Variants in MYO1H observed in about 807,000 individuals in gnomAD.
MYO1H encodes unconventional myosin-Ih.
In MYO1H, 118 loss-of-function variants were observed where a neutral mutation model predicts 149.3. The observed-to-expected ratio is 0.79, with a 90% CI of 0.68 to 0.92. The LOEUF is 0.92. Ranked by LOEUF, MYO1H falls within the 40% of genes least tolerant of loss-of-function variation. The probability of loss-of-function intolerance (pLI) is 0.00; values close to 1 mark genes in which losing one functional copy is unlikely to be tolerated. For missense variants in MYO1H, 1,212 were observed against 1,280.7 expected, an observed-to-expected ratio of 0.95 and a Z score of 0.82; for synonymous variants, 447 against 465.2, an observed-to-expected ratio of 0.96 and a Z score of 0.50.
At chr12:109,401,258 A>G (rs1337182692) in exon 6 of MYO1H, 1 of 1,611,880 alleles carries the variant, frequency 6.2e-7, no homozygotes, top group South Asian at 1.1e-5. Flanking sequence ...CCAGCTGTAT[A>G]AATACCTCTC....
chr12:109,415,423 C>A, intron 14 of MYO1H, 103 bp from the exon 15 acceptor site: 1 of 1,075,050 alleles, frequency 9.3e-7, no homozygotes, highest in Non-Finnish European at 1.3e-6. Flanking sequence ...TTGCCGTGAG[C>A]CAAGATTGTG....
chr12:109,328,299 T>C, the MYO1H span, among the ~76,000 whole-genome samples: 1 of 152,118 alleles, frequency 6.6e-6, no homozygotes, highest in African/African-American at 2.4e-5. Context: ...GCAAGCAACA[T>C]GCATTAATTC....
At position 109,443,196 on chromosome 12, in the gene MYO1H, A is replaced by ATGTGTGTGTATATGTGTACGTATG. The variant is rs1168118158; in HGVS notation, c.2689-311_2689-310insGTATATGTGTACGTATGTGTGTGT. On this transcript the variant is annotated intron_variant, in intron 27 of 31. Transcript: ENST00000310903. ...CGTATGTGTGTATATGTGTACGTATATGTGTGTATATGTGTACGTATATGT... is the reference window on the plus strand; with the variant it reads ...CGTATGTGTGTATATGTGTACGTATATGTGTGTGTATATGTGTACGTATGTGTGTGTATATGTGTACGTATATGT... 4.2e-5 allele frequency among the ~76,000 whole-genome samples: 4 copies of ATGTGTGTGTATATGTGTACGTATG among 95,670 alleles called. 1 individual carries two copies. The highest frequency in any genetic ancestry group is 2.6e-4 in the South Asian group (1 of 3,778). The allele number at this position is 95,670 out of a possible 152,430, so 62.8% of individuals were successfully genotyped here. A position where few individuals can be genotyped will look rare whatever the true frequency, so the allele number is the denominator to read the frequency against.
intron 19 of MYO1H, among the ~76,000 whole-genome samples, chr12:109,429,757 G>C (rs1016941100): frequency 6.6e-6 from 1 of 151,226 alleles, no homozygotes; most frequent in Non-Finnish European, 1.5e-5. Context: ...CCTTAGGTAA[G>C]GGGGTCACTC....
At chr12:109,313,864 A>G in the MYO1H span, among the ~76,000 whole-genome samples, 1 of 151,950 alleles carries the variant, frequency 6.6e-6, no homozygotes, top group Admixed American at 6.6e-5. Flanking sequence ...TCCTTTATGA[A>G]AAGTGTTTTC....
chr12:109,365,968 A>C (rs934181261), intron 1 of MYO1H, among the ~76,000 whole-genome samples: 3 of 152,170 alleles, frequency 2.0e-5, no homozygotes, highest in Non-Finnish European at 4.4e-5. Flanking sequence ...AGGATTGTGA[A>C]GCCTGTTGTG....
At position 109,443,009 on chromosome 12, in the gene MYO1H, A is replaced by AAAT. The variant is rs1371725807; in HGVS notation, c.2689-504_2689-503insATA. Among the ~76,000 whole-genome samples, 60 of 58,496 alleles carry AAAT rather than the reference A, an allele frequency of 1.0e-3. 9 individuals carry two copies. Among genetic ancestry groups the AAAT allele is most frequent in the Admixed American group, 2.4e-3 (16 of 6,730 alleles). The allele number at this position is 58,496 out of a possible 152,430, so 38.4% of individuals were successfully genotyped here. ...TGCAGAGAGCCAGGAAAAAAAAAAA[A>AAAT]ATATATATATATATATATATGTGTG... On this transcript the variant is annotated intron_variant, in intron 27 of 31. Transcript: ENST00000310903.
At chr12:109,383,697 G>A (rs1021437542) in intron 1 of MYO1H, among the ~76,000 whole-genome samples, 17 of 152,248 alleles carry the variant, frequency 1.1e-4, no homozygotes, top group African/African-American at 4.1e-4. Flanking sequence ...TTGGCCGGAA[G>A]TAGTCAAGCA....
rs139293092 is a variant in MYO1H at position 109,412,923 on chromosome 12, T to C, written c.1502+938T>C. Among the ~76,000 whole-genome samples, 276 of 151,952 alleles carry C rather than the reference T, an allele frequency of 1.8e-3. 2 individuals are homozygous for C. The highest frequency in any genetic ancestry group is 6.4e-3 in the African/African-American group (264 of 41,414). On this transcript the variant is annotated intron_variant, in intron 14 of 31. Coordinates refer to ENST00000310903, the Ensembl canonical transcript of MYO1H. Reference sequence around the variant, plus strand: ...GCCTCAGCCTCCCAAGTAGCTGGGATTACAAGCACTTGCCACTACGCCCGG... The same window carrying C: ...GCCTCAGCCTCCCAAGTAGCTGGGACTACAAGCACTTGCCACTACGCCCGG...
At chr12:109,354,032 ATAAAG>A (rs1260236756) in intron 1 of MYO1H, 1 of 122,724 alleles carries the variant, frequency 8.1e-6, no homozygotes, top group Non-Finnish European at 1.7e-5. Flanking sequence ...AATGTCTAAA[ATAAAG>A]GTGTAATTCT....
Position 109,407,931 on chromosome 12 carries a change from G to A in MYO1H, c.1155+18G>A, listed in dbSNP as rs1870472540. ...TTAACAAGGTTGGTCAACGCATTTT[G>A]GATCCCTTGCTCTTGCTCACGTGGT... On this transcript the variant is annotated intron_variant, in intron 10 of 31. Coordinates refer to ENST00000310903, the Ensembl canonical transcript of MYO1H. 2.5e-6 allele frequency: 4 copies of A among 1,612,886 alleles called. No homozygotes were observed. In the South Asian group the frequency reaches 4.4e-5, roughly 18 times the overall value.
At chr12:109,406,969 C>T in intron 9 of MYO1H, 109 bp downstream of exon 9, 1 of 937,884 alleles carries the variant, frequency 1.1e-6, no homozygotes, top group Non-Finnish European at 1.7e-6. Context: ...GATCCTAGCT[C>T]ACCAGGCCCT....
At chr12:109,383,228 C>T (rs1869240836) in intron 1 of MYO1H, among the ~76,000 whole-genome samples, 1 of 152,148 alleles carries the variant, frequency 6.6e-6, no homozygotes, top group South Asian at 2.1e-4. Context: ...AAATAAAATT[C>T]AAAAATGACA....
At chr12:109,321,897 T>C in the MYO1H span, among the ~76,000 whole-genome samples, 1 of 152,120 alleles carries the variant, frequency 6.6e-6, no homozygotes, top group Non-Finnish European at 1.5e-5. Context: ...ACGATGTAAT[T>C]ACGCATGCAA....
intron 16 of MYO1H, among the ~76,000 whole-genome samples, chr12:109,424,177 T>C (rs1306116357): frequency 6.6e-6 from 1 of 152,184 alleles, no homozygotes; most frequent in Non-Finnish European, 1.5e-5. Context: ...TTTTTTCTTT[T>C]TGAGACAGGT....
intron 1 of MYO1H, among the ~76,000 whole-genome samples, chr12:109,374,878 G>A (rs1483394074): frequency 1.3e-5 from 2 of 148,592 alleles, no homozygotes; most frequent in Admixed American, 6.7e-5. Context: ...TTTTCGAGAC[G>A]AAGTCTGGCT....
intron 1 of MYO1H, among the ~76,000 whole-genome samples, chr12:109,378,487 A>G (rs796222708): frequency 2.4e-4 from 36 of 148,616 alleles, no homozygotes; most frequent in African/African-American, 8.4e-4. Context: ...TACCCAGCCA[A>G]TTTTTTTTTT....
rs1326948973 is a variant in MYO1H at position 109,393,344 on chromosome 12, C to A, written c.188C>A (p.Thr63Asn). 4 of 1,575,256 alleles carry A rather than the reference C, an allele frequency of 2.5e-6. 1 individual carries two copies. The South Asian group carries it at 4.7e-5, about 18-fold the overall frequency. The stretch of plus-strand genomic sequence containing the variant: ...CCATTTCTCTAGACATATATTGGCA[C>A]CCTCCTTGTGTCTGTGAATCCATAC... The change falls in exon 3 of 32, where the codon ACC (threonine) becomes AAC (asparagine). Residue 63 changes from threonine to asparagine, a missense_variant. By Grantham distance (65) the Thr-to-Asn change is moderately conservative. Coordinates refer to ENST00000310903, the Ensembl canonical transcript of MYO1H.
intron 14 of MYO1H, among the ~76,000 whole-genome samples, chr12:109,412,780 T>TTTTGG (rs1445337446): frequency 2.0e-5 from 3 of 151,928 alleles, no homozygotes; most frequent in Non-Finnish European, 4.4e-5. Flanking sequence ...CTTTTTTGTT[T>TTTTGG]TTTGGTTTTG....
Sources: gnomAD v4.1 joint callset for allele counts (sites outside exome capture counted in the v4.1 genomes callset) on GRCh38, gnomAD v4.1.1 for gene constraint, MANE v1.5 for transcripts, NCBI Gene and HGNC (gene_info 2026-07-23, HGNC 2026-07-21) for gene names.